The following ZSCAN31 variants were observed in gnomAD, a reference collection of about 807,000 sequenced individuals.
ZSCAN31 encodes zinc finger and SCAN domain containing 31.
Under a neutral mutation model 22.5 loss-of-function variants are expected in ZSCAN31, and 14 were observed. The ratio of observed to expected loss-of-function variants is 0.62; its 90% CI spans 0.41 to 0.97. The LOEUF (loss-of-function observed/expected upper bound fraction) is 0.97, where lower values mean the gene tolerates loss of function less well. ZSCAN31 is among the 50% of genes least tolerant of loss of function. ZSCAN31 has a pLI of 0.00. For missense variants in ZSCAN31, 424 were observed against 483.4 expected (o/e 0.88, Z 1.15); for synonymous variants, 168 against 169.8 (o/e 0.99, Z 0.08).
At chr6:28,354,713 T>G (rs1765308021), upstream of ZSCAN31, among the ~76,000 whole-genome samples, 1 of 152,260 alleles carries the variant, frequency 6.6e-6, no homozygotes. Flanking sequence ...GGGTTTTTGC[T>G]TCCCTACCTT....
At position 28,331,284 on chromosome 6, in the gene ZSCAN31, T is replaced by G. The variant is rs992473177; in HGVS notation, c.-95-1506A>C. Among the ~76,000 whole-genome samples the G allele has an allele frequency of 6.6e-6, 1 of 152,256 alleles. No individual in the cohort carries two copies. The highest frequency in any genetic ancestry group is 1.5e-5 in the Non-Finnish European group (1 of 68,046). ...TAATGGTAGTTAAACTGATACAATG[T>G]TGACTTTAGTGGTGTAATTTAAGTT... On this transcript the variant is annotated intron_variant, in intron 1 of 3. Transcript: ENST00000344279. This position sits in a 1 kb window ranked among gnomAD's most constrained non-coding sequence, Gnocchi z 4.8.
chr6:28,339,950 A>AT (rs1301438989), upstream of ZSCAN31, among the ~76,000 whole-genome samples: 1 of 97,096 alleles, frequency 1.0e-5, no homozygotes, highest in Non-Finnish European at 2.0e-5. Flanking sequence ...TGTAGAATCC[A>AT]TTTTTTCCCC....
At chr6:28,346,526 T>C (rs7747984) in intron 2 of ZSCAN31, among the ~76,000 whole-genome samples, 294 of 152,026 alleles carry the variant, frequency 1.9e-3, no homozygotes, top group African/African-American at 6.4e-3. Flanking sequence ...CCTGCTAATT[T>C]TTGTAGTTTT....
At chr6:28,334,656 C>G (rs148694677) in intron 1 of ZSCAN31, among the ~76,000 whole-genome samples, 6 of 151,696 alleles carry the variant, frequency 4.0e-5, no homozygotes, top group African/African-American at 1.5e-4. Context: ...TCCTTTTAAA[C>G]AAGGCAATGG....
rs150508243 is a variant in ZSCAN31 at position 28,347,352 on chromosome 6, CT to C, written c.-370-5561del. Among the ~76,000 whole-genome samples the C allele has an allele frequency of 2.4e-3, 361 of 152,290 alleles. 2 individuals are homozygous for C. Among genetic ancestry groups the C allele is most frequent in the African/African-American group, 8.1e-3 (338 of 41,556 alleles). On this transcript the variant is annotated intron_variant, in intron 2 of 7. Transcript: ENST00000396838. The surrounding 1 kb of genome is among the most constrained non-coding windows in gnomAD (Gnocchi z 5.2). ...AACACTTCCTTAGATATGCACAGGGCTAACCCCTTCATCTCCTTCAGATCTT... is the reference window on the plus strand; with the variant it reads ...AACACTTCCTTAGATATGCACAGGGCAACCCCTTCATCTCCTTCAGATCTT...
rs370615892 is a variant in ZSCAN31, at chr6:28,326,133, T to C, written c.*33A>G. ...TCTAAAATGCCTAATAAGGTTGCAA[T>C]GATGACTGAAGGCTTTCCCAAACTC... On this transcript the variant is annotated 3_prime_UTR_variant, in exon 4 of 4. Transcript: ENST00000344279. 3.2e-6 allele frequency: 5 copies of C among 1,556,076 alleles called. No individual in the cohort carries two copies. In the African/African-American group the frequency reaches 6.8e-5, roughly 21 times the overall value.
upstream of ZSCAN31, among the ~76,000 whole-genome samples, chr6:28,340,115 A>G (rs77983937): frequency 0.034 from 5,154 of 152,370 alleles, 95 homozygotes; most frequent in Middle Eastern, 0.082. Flanking sequence ...CAGTGGAAAT[A>G]GATAGGAATC....
intron 1 of ZSCAN31, chr6:28,335,813 T>C (rs1764119158): frequency 6.6e-6 from 1 of 152,240 alleles, no homozygotes; most frequent in Non-Finnish European, 1.5e-5. Flanking sequence ...CTTATTAAAC[T>C]TTCGCTCTAA....
At chr6:28,345,583 T>C (rs1235758963) in intron 2 of ZSCAN31, among the ~76,000 whole-genome samples, 2 of 152,174 alleles carry the variant, frequency 1.3e-5, no homozygotes, top group Non-Finnish European at 2.9e-5. Flanking sequence ...AGTGATTCAT[T>C]TTGACTAGAA....
upstream of ZSCAN31, among the ~76,000 whole-genome samples, chr6:28,337,270 G>A (rs770862751): frequency 2.0e-4 from 31 of 152,214 alleles, no homozygotes; most frequent in Non-Finnish European, 3.4e-4. Flanking sequence ...GGGCTGATCA[G>A]CATGACTGGA....
chr6:28,346,145 G>C (rs1010438276), intron 2 of ZSCAN31, among the ~76,000 whole-genome samples: 2 of 152,068 alleles, frequency 1.3e-5, no homozygotes, highest in Non-Finnish European at 2.9e-5. Context: ...AGGTAGGGCT[G>C]CCACACAGAT....
chr6:28,329,952 G>A (rs1382230166), intron 1 of ZSCAN31, among the ~76,000 whole-genome samples, 174 bp from the exon 2 acceptor site: 1 of 152,084 alleles, frequency 6.6e-6, no homozygotes, highest in Admixed American at 6.5e-5. Context: ...TATGTTAATG[G>A]CCTCAATTCT....
chr6:28,328,359 T>C (rs1763466645), intron 2 of ZSCAN31, among the ~76,000 whole-genome samples: 1 of 152,216 alleles, frequency 6.6e-6, no homozygotes, highest in Admixed American at 6.5e-5. Flanking sequence ...CCATAAGAGA[T>C]GGCTACGCCC....
At chr6:28,343,675 A>G (rs1189398016) in intron 2 of ZSCAN31, among the ~76,000 whole-genome samples, 4 of 148,576 alleles carry the variant, frequency 2.7e-5, no homozygotes, top group Admixed American at 6.8e-5. Context: ...ACAGGCGCCC[A>G]CCACCATGCC....
chr6:28,354,166 C>A (rs1225893531), exon 1 of ZSCAN31: 1 of 352,062 alleles, frequency 2.8e-6, no homozygotes, highest in African/African-American at 2.1e-5. Flanking sequence ...TTCTCTCTTA[C>A]AGGGTCAGCA....
intron 2 of ZSCAN31, among the ~76,000 whole-genome samples, chr6:28,346,517 C>T (rs1029585875): frequency 2.6e-5 from 4 of 151,922 alleles, no homozygotes; most frequent in Non-Finnish European, 2.9e-5. Flanking sequence ...ACTACCACAC[C>T]TGCTAATTTT....
intron 2 of ZSCAN31, among the ~76,000 whole-genome samples, chr6:28,342,277 C>T (rs116317091): frequency 0.018 from 2,736 of 152,310 alleles, 31 homozygotes; most frequent in Admixed American, 0.031. Context: ...ATAGGGATAT[C>T]TAGGCCAAAG....
intron 2 of ZSCAN31, among the ~76,000 whole-genome samples, chr6:28,348,869 G>T (rs1195878834): frequency 2.0e-5 from 3 of 151,626 alleles, no homozygotes; most frequent in Non-Finnish European, 1.5e-5. Context: ...GTATATACAT[G>T]TCTCATATAC....
chr6:28,337,205 A>C (rs1214634275), upstream of ZSCAN31, among the ~76,000 whole-genome samples: 1 of 152,194 alleles, frequency 6.6e-6, no homozygotes, highest in Non-Finnish European at 1.5e-5. Context: ...GGGAGAGGGA[A>C]TCAAATGTAC....
Sources: gnomAD v4.1 joint callset for allele counts (sites outside exome capture counted in the v4.1 genomes callset) on GRCh38, gnomAD v4.1.1 for gene constraint, Gnocchi (gnomAD v3.1) non-coding constraint, MANE v1.5 for transcripts, NCBI Gene and HGNC (gene_info 2026-07-23, HGNC 2026-07-21) for gene names.